The following PCSK2 variants were observed in gnomAD, a reference collection of about 807,000 sequenced individuals.
PCSK2 encodes the protein neuroendocrine convertase 2.
In PCSK2, 14 loss-of-function variants were observed where a neutral mutation model predicts 69.7. The ratio of observed to expected loss-of-function variants is 0.20; its 90% confidence interval spans 0.13 to 0.31. The LOEUF (loss-of-function observed/expected upper bound fraction) is 0.31. Among genes scored for constraint, PCSK2 ranks in the 10% least tolerant of loss-of-function variants. The pLI is 1.00. For synonymous variants in PCSK2, 307 were observed against 320.7 expected (o/e 0.96, Z 0.46); for missense variants, 544 against 842.5 (o/e 0.65, Z 4.39).
intron 2 of PCSK2, among the ~76,000 whole-genome samples, chr20:17,347,895 AGAAAG>A (rs1568612328): frequency 0.036 from 1,168 of 32,378 alleles, 77 homozygotes; most frequent in Non-Finnish European, 0.065. Context: ...AAAGAAAGAA[AGAAAG>A]AAAGAAAGAA....
chr20:17,412,014 C>T (rs1031996998), intron 6 of PCSK2, among the ~76,000 whole-genome samples: 2 of 152,158 alleles, frequency 1.3e-5, no homozygotes, highest in South Asian at 2.1e-4. Context: ...ACACGAAAAC[C>T]CCATTTGTAG....
At chr20:17,289,104 T>C (rs1258285929) in intron 2 of PCSK2, among the ~76,000 whole-genome samples, 1 of 152,210 alleles carries the variant, frequency 6.6e-6, no homozygotes, top group African/African-American at 2.4e-5. Context: ...CAGATGGTGC[T>C]GAATAAGCAA....
At chr20:17,321,995 G>A (rs1989882783) in intron 2 of PCSK2, among the ~76,000 whole-genome samples, 1 of 151,860 alleles carries the variant, frequency 6.6e-6, no homozygotes, top group African/African-American at 2.4e-5. Flanking sequence ...GGCATTTAGA[G>A]GTGTTTAACC....
chr20:17,420,396 C>T (rs2032095110), intron 6 of PCSK2, among the ~76,000 whole-genome samples: 2 of 152,186 alleles, frequency 1.3e-5, no homozygotes, highest in South Asian at 2.1e-4. Context: ...TTAAGACTAC[C>T]TCATCAGTCG....
rs1600453766 is a variant in PCSK2, at chr20:17,289,439, G to A, written c.282+29095G>A. ...ATGGGAGAGGTTCTGTGGAGATGGG[G>A]TATATGGGAACCCTCTGTACTTTCC... On this transcript the variant is annotated intron_variant, in intron 2 of 11. Coordinates refer to ENST00000262545, the MANE Select transcript of PCSK2 (RefSeq NM_002594.5). Among the ~76,000 whole-genome samples the A allele has an allele frequency of 2.0e-5, 3 of 152,184 alleles. No individual in the cohort carries two copies. The South Asian group carries it at 6.2e-4, about 32-fold the overall frequency.
At chr20:17,353,072 CAT>C (rs2030047908) in intron 2 of PCSK2, among the ~76,000 whole-genome samples, 1 of 152,054 alleles carries the variant, frequency 6.6e-6, no homozygotes, top group Non-Finnish European at 1.5e-5. Context: ...GGCCAACAAA[CAT>C]ATGAAAAATA....
intron 10 of PCSK2, among the ~76,000 whole-genome samples, chr20:17,460,820 G>A (rs896291004): frequency 6.6e-6 from 1 of 152,182 alleles, no homozygotes; most frequent in Non-Finnish European, 1.5e-5. Context: ...TGTGATATAT[G>A]TTATCATTAA....
At chr20:17,400,115 T>C (rs745328641) in intron 5 of PCSK2, among the ~76,000 whole-genome samples, 1 of 152,328 alleles carries the variant, frequency 6.6e-6, no homozygotes, top group Non-Finnish European at 1.5e-5. Flanking sequence ...CCCTAGCTCT[T>C]TAGTGAAGTA....
chr20:17,295,836 G>A (rs553515935), intron 2 of PCSK2, among the ~76,000 whole-genome samples: 22 of 152,238 alleles, frequency 1.4e-4, no homozygotes, highest in Admixed American at 3.3e-4. Context: ...GATTACATGT[G>A]TGAGCCACCG....
intron 1 of PCSK2, among the ~76,000 whole-genome samples, chr20:17,244,047 A>G (rs1485344368): frequency 2.6e-5 from 4 of 152,184 alleles, no homozygotes; most frequent in African/African-American, 9.7e-5. Flanking sequence ...CATTAGAGTT[A>G]ACTTTCTGAT....
chr20:17,245,239 T>TA (rs1986726753), intron 1 of PCSK2, among the ~76,000 whole-genome samples: 1 of 152,160 alleles, frequency 6.6e-6, no homozygotes, highest in South Asian at 2.1e-4. Flanking sequence ...GCACCTGCTT[T>TA]AAAAAAATGG....
chr20:17,304,609 G>A (rs1339529408), intron 2 of PCSK2, among the ~76,000 whole-genome samples: 3 of 152,144 alleles, frequency 2.0e-5, no homozygotes. Flanking sequence ...TCTGTGTTGT[G>A]TAATTTCCAT....
At chr20:17,241,177 G>A (rs1427897661) in intron 1 of PCSK2, among the ~76,000 whole-genome samples, 1 of 152,166 alleles carries the variant, frequency 6.6e-6, no homozygotes, top group Non-Finnish European at 1.5e-5. Context: ...ATAATACATT[G>A]AGGTAAATTT....
At chr20:17,413,678 G>A (rs1264478714) in intron 6 of PCSK2, among the ~76,000 whole-genome samples, 3 of 152,058 alleles carry the variant, frequency 2.0e-5, no homozygotes, top group Admixed American at 6.6e-5. Context: ...TGGACCAAGT[G>A]GACCTAATAG....
At position 17,429,529 on chromosome 20, in the gene PCSK2, C is replaced by T. The variant is rs779451595; in HGVS notation, c.709+6C>T. The T allele has an allele frequency of 1.2e-5, 19 of 1,595,152 alleles. No homozygotes were observed. The highest frequency in any genetic ancestry group is 1.5e-5 in the Non-Finnish European group (18 of 1,163,250). On this transcript the variant is annotated splice_donor_region_variant and intron_variant, in intron 7 of 11. Transcript: ENST00000262545. The stretch of plus-strand genomic sequence containing the variant: ...ATACAACTCCAAGGTTGCAGGTAAG[C>T]CATCCCTGCCAAACAGAGGCCCCCA...
chr20:17,275,780 T>A (rs963448420), intron 2 of PCSK2, among the ~76,000 whole-genome samples: 2 of 152,144 alleles, frequency 1.3e-5, no homozygotes, highest in African/African-American at 4.8e-5. Flanking sequence ...TCAGAACTCT[T>A]GTCCCTCTCT....
chr20:17,341,489 A>G (rs1249310463), intron 2 of PCSK2, among the ~76,000 whole-genome samples: 1 of 152,140 alleles, frequency 6.6e-6, no homozygotes, highest in Admixed American at 6.5e-5. Flanking sequence ...GTATTATTTT[A>G]TGTTTACCCT....
At chr20:17,364,550 T>G (rs2030522988) in intron 4 of PCSK2, among the ~76,000 whole-genome samples, 1 of 152,074 alleles carries the variant, frequency 6.6e-6, no homozygotes, top group South Asian at 2.1e-4. Flanking sequence ...AGTTTCCCCT[T>G]ATAAAACCAT....
rs772325335 is a variant in PCSK2 at position 17,260,341 on chromosome 20, C to T, written c.279C>T (p.Pro93=). 12 of 1,608,506 alleles carry T rather than the reference C, an allele frequency of 7.5e-6. No homozygotes were observed. The highest frequency in any genetic ancestry group is 9.4e-6 in the Non-Finnish European group (11 of 1,174,936). The change falls in exon 2 of 12, where the codon CCC becomes CCT. Residue 93 remains proline, a synonymous_variant. Coordinates refer to ENST00000262545, the MANE Select transcript of PCSK2 (RefSeq NM_002594.5). ...LHHKQQLERD[P]RVKMALQQEG... The stretch of plus-strand genomic sequence containing the variant: ...ACAAGCAGCAGCTGGAGAGAGACCC[C>T]AGGGTGAGTTTTCCCCAGAAACCTG...
Sources: allele counts gnomAD v4.1 joint callset (sites outside exome capture counted in the v4.1 genomes callset), GRCh38; gene constraint gnomAD v4.1.1; transcripts MANE v1.5; gene names NCBI Gene and HGNC (gene_info 2026-07-23, HGNC 2026-07-21).